The following PHTF2 variants were observed in gnomAD, a reference collection of about 807,000 sequenced individuals.
The protein encoded by PHTF2 is protein PHTF2.
Under a neutral mutation model 101.2 loss-of-function variants are expected in PHTF2, and 60 were observed. That is an observed-to-expected ratio of 0.59 (90% CI 0.48 to 0.73). The LOEUF is 0.73. PHTF2 is among the 30% of genes least tolerant of loss of function. PHTF2 has a pLI of 0.00. For missense variants in PHTF2, 747 were observed against 908.7 expected (o/e 0.82, Z 2.29); for synonymous variants, 311 against 307.3 (o/e 1.01, Z -0.13).
chr7:77,928,812 A>G (rs1804300122), intron 11 of PHTF2, among the ~76,000 whole-genome samples: 1 of 152,176 alleles, frequency 6.6e-6, no homozygotes, highest in African/African-American at 2.4e-5. Context: ...TACTTAGACT[A>G]CTCTCTCTGC....
intron 3 of PHTF2, among the ~76,000 whole-genome samples, chr7:77,864,172 G>T (rs1489592150): frequency 6.6e-6 from 1 of 152,170 alleles, no homozygotes; most frequent in Non-Finnish European, 1.5e-5. Flanking sequence ...TGCTACAGTA[G>T]AATTACCTTG....
chr7:77,875,768 G>A (rs1798891146), intron 3 of PHTF2, among the ~76,000 whole-genome samples: 1 of 151,844 alleles, frequency 6.6e-6, no homozygotes, highest in Admixed American at 6.6e-5. Context: ...TGCGTTAGCC[G>A]GGATGGTCTT....
intron 1 of PHTF2, among the ~76,000 whole-genome samples, chr7:77,830,781 G>T (rs1225792666): frequency 2.0e-5 from 3 of 152,154 alleles, no homozygotes; most frequent in Non-Finnish European, 4.4e-5. Flanking sequence ...GCTGCATCTG[G>T]TGACAGGCTT....
At chr7:77,803,467 T>A (rs763179715) in intron 1 of PHTF2, among the ~76,000 whole-genome samples, 1 of 152,206 alleles carries the variant, frequency 6.6e-6, no homozygotes, top group Non-Finnish European at 1.5e-5. Context: ...TCTGTAGACC[T>A]AGGTTCAAGT....
chr7:77,810,459 A>G (rs1793346975), intron 1 of PHTF2, among the ~76,000 whole-genome samples: 1 of 152,242 alleles, frequency 6.6e-6, no homozygotes, highest in African/African-American at 2.4e-5. Flanking sequence ...TTACACAGAA[A>G]CACTTGAACC....
chr7:77,866,051 G>A (rs1798034636), intron 3 of PHTF2, among the ~76,000 whole-genome samples: 1 of 151,946 alleles, frequency 6.6e-6, no homozygotes, highest in Admixed American at 6.6e-5. Flanking sequence ...AGGCATGGTG[G>A]TGCACACCTG....
intron 1 of PHTF2, among the ~76,000 whole-genome samples, chr7:77,825,893 G>A (rs1331517510): frequency 6.6e-6 from 1 of 152,078 alleles, no homozygotes; most frequent in Admixed American, 6.5e-5. Context: ...GACTGTCCTA[G>A]GTAAGAATAG....
chr7:77,845,826 G>A (rs1796234124), intron 2 of PHTF2, among the ~76,000 whole-genome samples: 1 of 152,174 alleles, frequency 6.6e-6, no homozygotes, highest in Non-Finnish European at 1.5e-5. Flanking sequence ...TCTTTCGCAG[G>A]TAAGACAAAT....
intron 2 of PHTF2, among the ~76,000 whole-genome samples, chr7:77,851,257 CTT>C (rs1469142376): frequency 6.6e-6 from 1 of 152,020 alleles, no homozygotes; most frequent in African/African-American, 2.4e-5. Flanking sequence ...TGCTGGGGGA[CTT>C]TTTATTACAG....
intron 18 of PHTF2, among the ~76,000 whole-genome samples, chr7:77,952,760 A>C (rs1322404095): frequency 6.6e-6 from 1 of 152,214 alleles, no homozygotes; most frequent in Non-Finnish European, 1.5e-5. Flanking sequence ...GCATAATAGT[A>C]TGATTCTTTT....
In PHTF2 at chr7:77,908,972, A is replaced by G; in HGVS notation, c.611+14A>G. On this transcript the variant is annotated intron_variant, in intron 8 of 19. Coordinates refer to ENST00000416283, the Ensembl canonical transcript of PHTF2. ...TAAAAGAAGAAGGTACTGTTTTTTA[A>G]AAAGTAATCTTTTTGTACATTTATG... The G allele has an allele frequency of 6.4e-7, 1 of 1,555,390 alleles. No homozygotes were observed.
chr7:77,946,610 A>G (rs1340041154), intron 16 of PHTF2, among the ~76,000 whole-genome samples: 1 of 152,252 alleles, frequency 6.6e-6, no homozygotes, highest in Non-Finnish European at 1.5e-5. Flanking sequence ...TCTATAAACC[A>G]GAGATCAGCA....
chr7:77,932,618 GA>G (rs1448265648), intron 12 of PHTF2, among the ~76,000 whole-genome samples: 3 of 120,736 alleles, frequency 2.5e-5, no homozygotes, highest in African/African-American at 1.2e-4. Context: ...GAGAGAGAGA[GA>G]GAGTGTGTGT....
chr7:77,915,312 G>A (rs1723860384), intron 9 of PHTF2, among the ~76,000 whole-genome samples: 2 of 151,848 alleles, frequency 1.3e-5, no homozygotes, highest in East Asian at 1.9e-4. Flanking sequence ...TCCGCCTCCC[G>A]GGTTCAAGTG....
intron 3 of PHTF2, among the ~76,000 whole-genome samples, chr7:77,869,244 C>T (rs1040895547): frequency 6.6e-6 from 1 of 152,064 alleles, no homozygotes; most frequent in African/African-American, 2.4e-5. Context: ...TTAGGATATC[C>T]ATTACCTCAA....
intron 1 of PHTF2, among the ~76,000 whole-genome samples, chr7:77,828,938 C>G (rs1037919359): frequency 6.6e-6 from 1 of 152,082 alleles, no homozygotes; most frequent in Non-Finnish European, 1.5e-5. Context: ...CTTTGGGATG[C>G]CAAGGCAGGA....
chr7:77,840,909 C>G (rs1187452388), intron 2 of PHTF2, among the ~76,000 whole-genome samples: 2 of 151,734 alleles, frequency 1.3e-5, no homozygotes, highest in African/African-American at 2.4e-5. Context: ...TGTTTATATT[C>G]TTTAAAATTT....
exon 20 of PHTF2, chr7:77,955,150 A>G (rs1231544372): frequency 4.4e-6 from 1 of 229,444 alleles, no homozygotes; most frequent in Non-Finnish European, 8.5e-6. Context: ...AGATCCTGGT[A>G]ATTGGTCATA....
intron 1 of PHTF2, among the ~76,000 whole-genome samples, chr7:77,820,282 C>T (rs145607807): frequency 2.6e-5 from 4 of 152,238 alleles, no homozygotes; most frequent in East Asian, 3.9e-4. Context: ...GTAGGTGTTA[C>T]GTGTCCAGGA....
Sources: allele counts gnomAD v4.1 joint callset (sites outside exome capture counted in the v4.1 genomes callset), GRCh38; gene constraint gnomAD v4.1.1; transcripts MANE v1.5; gene names NCBI Gene and HGNC (gene_info 2026-07-23, HGNC 2026-07-21).